DPH1: variants seen among roughly 807,000 people sequenced by gnomAD.
DPH1 encodes 2-(3-amino-3-carboxypropyl)histidine synthase subunit 1.
Under a neutral mutation model 55.3 loss-of-function variants are expected in DPH1, and 59 were observed. The observed-to-expected ratio is 1.07, with a 90% confidence interval of 0.87 to 1.33. The LOEUF is 1.33. Ranked by LOEUF, DPH1 falls within the 40% of genes most tolerant of loss-of-function variation. DPH1 has a pLI of 0.00. For missense variants in DPH1, 628 were observed against 584.8 expected (o/e 1.07, Z -0.76); for synonymous variants, 238 against 235.5 (o/e 1.01, Z -0.10).
Position 2,041,785 on chromosome 17 carries a change from G to T in DPH1, c.1245G>T (p.Ala415=), listed in dbSNP as rs752471450. 6.2e-7 allele frequency: 1 copy of T among 1,605,996 alleles called. No individual in the cohort carries two copies. Among genetic ancestry groups the T allele is most frequent in the Admixed American group, 1.7e-5 (1 of 59,138 alleles). ...PARGKVQEGS[A]RPPSAVACED... ...GACCTCAGGTGCAGGAGGGGTCCGCGCGTCCCCCTTCGGCCGTGGCTTGCG... is the reference window on the plus strand; with the variant it reads ...GACCTCAGGTGCAGGAGGGGTCCGCTCGTCCCCCTTCGGCCGTGGCTTGCG... The change falls in exon 12 of 13, where the codon GCG becomes GCT. Residue 415 remains alanine (A), a synonymous_variant. Coordinates refer to ENST00000263083, the MANE Select transcript of DPH1 (RefSeq NM_001383.6).
intron 6 of DPH1, 183 bp downstream of exon 6, chr17:2,037,139 T>G: frequency 1.2e-6 from 1 of 822,852 alleles, no homozygotes; most frequent in Non-Finnish European, 1.8e-6. Flanking sequence ...CTTTCTCCAC[T>G]GCCCAGTCCA....
rs140891546 is a variant in DPH1 at position 2,042,962 on chromosome 17, T to G, written c.*376T>G. On this transcript the variant is annotated 3_prime_UTR_variant, in exon 13 of 13. Coordinates refer to ENST00000263083, the MANE Select transcript of DPH1 (RefSeq NM_001383.6). ...CATGTTTTTGGGGACACTGACAAAG[T>G]CATCCCCTCTCAGGAGAGTGTGCAA... The G allele has an allele frequency of 3.4e-4, 554 of 1,614,042 alleles. 1 individual carries two copies. The highest frequency in any genetic ancestry group is 3.7e-4 in the Non-Finnish European group (431 of 1,180,042).
chr17:2,042,973 C>G lies in DPH1; in HGVS notation c.*387C>G, dbSNP rs770453617. The G allele has an allele frequency of 1.9e-6, 3 of 1,614,146 alleles. No homozygotes were observed. The South Asian group carries it at 3.3e-5, about 18-fold the overall frequency. The stretch of plus-strand genomic sequence containing the variant: ...GGACACTGACAAAGTCATCCCCTCT[C>G]AGGAGAGTGTGCAACTGGCCAGCCA... On this transcript the variant is annotated 3_prime_UTR_variant, in exon 13 of 13. Transcript: ENST00000263083.
At chr17:2,037,179 A>T (rs905335167) in intron 6 of DPH1, 3 of 522,132 alleles carry the variant, frequency 5.7e-6, no homozygotes, top group Non-Finnish European at 9.3e-6. Flanking sequence ...GGGTGGGGGC[A>T]GGAATCAGAG....
intron 7 of DPH1, 149 bp downstream of exon 7, chr17:2,039,972 A>AAT: frequency 7.8e-7 from 1 of 1,287,692 alleles, no homozygotes; most frequent in Non-Finnish European, 1.1e-6. Flanking sequence ...TCTGGGCATT[A>AAT]GCCCCAGGGC....
intron 3 of DPH1, among the ~76,000 whole-genome samples, chr17:2,034,578 T>C: frequency 1.3e-5 from 1 of 74,220 alleles, no homozygotes; most frequent in African/African-American, 5.7e-5. Flanking sequence ...CTCCCTCCCC[T>C]GCTCCCCCAA....
At chr17:2,040,818 T>A in intron 9 of DPH1, 1 of 642,814 alleles carries the variant, frequency 1.6e-6, no homozygotes, top group East Asian at 2.7e-5. Context: ...CCTTGTGAGA[T>A]GAGTTTGAGC....
At position 2,036,822 on chromosome 17, in the gene DPH1, G is replaced by C. The variant is rs376186877; in HGVS notation, c.559-13G>C. 1.2e-6 allele frequency: 2 copies of C among 1,612,870 alleles called. No individual in the cohort carries two copies. Among genetic ancestry groups the C allele is most frequent in the South Asian group, 1.1e-5 (1 of 90,946 alleles). ...CCCAGCCGCTGGCTTCACTTCCCTC[G>C]TCATTCCTACAGGCAGCCGCCCAGG... On this transcript the variant is annotated splice_polypyrimidine_tract_variant and intron_variant, in intron 5 of 12. Coordinates refer to ENST00000263083, the MANE Select transcript of DPH1 (RefSeq NM_001383.6). The surrounding 1 kb of genome is among the most constrained non-coding windows in gnomAD (Gnocchi z 4.8).
chr17:2,041,434 C>T (rs1210644824), intron 10 of DPH1, 47 bp from the exon 11 acceptor site: 3 of 1,566,844 alleles, frequency 1.9e-6, no homozygotes. Flanking sequence ...AATCCAGGGG[C>T]AGAAAAACAC....
In DPH1 at chr17:2,036,162, C is replaced by G. The variant is rs976940600; in HGVS notation, c.400+71C>G. ...AGGCAGGCTGCACATTCATCTTCCC[C>G]ATGGCAGTGCCTTCTTGTCCTGCTT... On this transcript the variant is annotated intron_variant, in intron 4 of 12. Coordinates refer to ENST00000263083, the MANE Select transcript of DPH1 (RefSeq NM_001383.6). This position sits in a 1 kb window ranked among gnomAD's most constrained non-coding sequence, Gnocchi z 4.8. The G allele has an allele frequency of 1.1e-5, 18 of 1,583,106 alleles. No homozygotes were observed. The highest frequency in any genetic ancestry group is 3.4e-4 in the Middle Eastern group (2 of 5,810).
At position 2,036,227 on chromosome 17, in the gene DPH1, G is replaced by A. The variant is rs1393420669; in HGVS notation, c.400+136G>A. 7.0e-7 allele frequency: 1 copy of A among 1,427,524 alleles called. No individual in the cohort carries two copies. Among genetic ancestry groups the A allele is most frequent in the South Asian group, 1.4e-5 (1 of 71,672 alleles). 88.4% of individuals were successfully genotyped at this position (1,427,524 alleles called of 1,614,324 possible). A position where few individuals can be genotyped will look rare whatever the true frequency, so the allele number is the denominator to read the frequency against. On this transcript the variant is annotated intron_variant, in intron 4 of 12. Transcript: ENST00000263083. The surrounding 1 kb of genome is among the most constrained non-coding windows in gnomAD (Gnocchi z 4.8). ...CCTCCTGGTTTCTGGGGTGGCCTCT[G>A]CCTTCCCGCTCTGCAGGTAGATCTT...
rs778124126 is a variant in DPH1, at chr17:2,041,790, C to A, written c.1250C>A (p.Pro417His). 1 of 1,606,490 alleles carries A rather than the reference C, an allele frequency of 6.2e-7. No homozygotes were observed. Among genetic ancestry groups the A allele is most frequent in the Non-Finnish European group, 8.5e-7 (1 of 1,177,130 alleles). ...RGKVQEGSARPPSAVACEDCS... is the reference protein window; with the variant it reads ...RGKVQEGSARHPSAVACEDCS... ...CAGGTGCAGGAGGGGTCCGCGCGTC[C>A]CCCTTCGGCCGTGGCTTGCGAGGAC... The change falls in exon 12 of 13, where the codon CCC becomes CAC. Residue 417 changes from proline (P) to histidine (H), a missense_variant. Pro to His is a moderately conservative substitution (Grantham distance 77). Transcript: ENST00000263083.
intron 1 of DPH1, chr17:2,033,288 GTTGT>G (rs1299213439): frequency 3.4e-5 from 22 of 654,518 alleles, no homozygotes; most frequent in Non-Finnish European, 5.4e-5. Flanking sequence ...TTGGGTGACT[GTTGT>G]TTATTATCTT....
chr17:2,043,075 C>T lies in DPH1; in HGVS notation c.*489C>T, dbSNP rs145145227. 35 of 1,613,790 alleles carry T rather than the reference C, an allele frequency of 2.2e-5. No homozygotes were observed. The highest frequency in any genetic ancestry group is 1.6e-4 in the Middle Eastern group (1 of 6,084). On this transcript the variant is annotated 3_prime_UTR_variant, in exon 13 of 13. Transcript: ENST00000263083. Reference sequence around the variant, plus strand: ...AGCTGCACCCCAGCGTCAGGCCTACCTCAAGTTCTTGGACCAGTTTGCAGA... The same window carrying T: ...AGCTGCACCCCAGCGTCAGGCCTACTTCAAGTTCTTGGACCAGTTTGCAGA...
chr17:2,040,118 C>T, intron 7 of DPH1, 100 bp from the exon 8 acceptor site: 2 of 1,498,048 alleles, frequency 1.3e-6, no homozygotes, highest in Admixed American at 1.8e-5. Flanking sequence ...CTGCGTGGGG[C>T]CTAAAGGTTC....
At chr17:2,033,307 T>C in intron 1 of DPH1, 198 bp from the exon 2 acceptor site, 1 of 721,030 alleles carries the variant, frequency 1.4e-6, no homozygotes, top group Non-Finnish European at 2.2e-6. Flanking sequence ...TATCTTCTTG[T>C]TTAGCAAGTT....
chr17:2,036,657 A>C lies in DPH1; in HGVS notation c.529A>C (p.Ser177Arg), dbSNP rs756592857. The part of the protein sequence containing the change: ...FPPATALALV[S>R]TIQFVSTLQA... ...CCCAGCCACTGCCCTTGCCCTGGTC[A>C]GCACCATTCAGTTTGTGTCGACCTT... The change falls in exon 5 of 13, where the codon AGC becomes CGC. Residue 177 changes from serine (S) to arginine (R), a missense_variant. Transcript: ENST00000263083. This position sits in a 1 kb window ranked among gnomAD's most constrained non-coding sequence, Gnocchi z 4.8. 3 of 1,613,994 alleles carry C rather than the reference A, an allele frequency of 1.9e-6. No homozygotes were observed. The African/African-American group carries it at 4.0e-5, about 22-fold the overall frequency.
chr17:2,040,203 C>A lies in DPH1; in HGVS notation c.750-15C>A. ...ACAGTGGCTGCCACAGTGACCCTGA[C>A]TGCTTCTTTTCCAGGTATGACCCAT... is the stretch of plus-strand genomic sequence containing the variant. On this transcript the variant is annotated splice_polypyrimidine_tract_variant and intron_variant, in intron 7 of 12. Transcript: ENST00000263083. 1 of 1,613,332 alleles carries A rather than the reference C, an allele frequency of 6.2e-7. No homozygotes were observed. Among genetic ancestry groups the A allele is most frequent in the Non-Finnish European group, 8.5e-7 (1 of 1,179,842 alleles).
In DPH1 at chr17:2,040,335, G is replaced by C. The variant is rs192388119; in HGVS notation, c.867G>C (p.Leu289=). 6.3e-5 allele frequency: 101 copies of C among 1,614,008 alleles called. No homozygotes were observed. In the African/African-American group the frequency reaches 1.2e-3, roughly 19 times the overall value. ...ARSAKSWGLI[L]GTLGRQGSPK... is the part of the protein sequence containing the mutation. ...CAGCTAAGTCCTGGGGCCTTATTCT[G>C]GGCACTTTGGGCCGCCAGGGCAGTC... is the stretch of plus-strand genomic sequence containing the variant. The change falls in exon 8 of 13, where the codon CTG becomes CTC. Residue 289 remains leucine (L), a synonymous_variant. Coordinates refer to ENST00000263083, the MANE Select transcript of DPH1 (RefSeq NM_001383.6).
Sources: gnomAD v4.1 joint callset for allele counts (sites outside exome capture counted in the v4.1 genomes callset) on GRCh38, gnomAD v4.1.1 for gene constraint, Gnocchi (gnomAD v3.1) non-coding constraint, MANE v1.5 for transcripts, NCBI Gene and HGNC (gene_info 2026-07-23, HGNC 2026-07-21) for gene names.